MRM3: variants seen among roughly 807,000 people sequenced by gnomAD.
MRM3 encodes the protein mitochondrial rRNA methyltransferase 3, also known as rRNA methyltransferase 3, mitochondrial.
A neutral mutation model predicts 29.4 loss-of-function variants in MRM3; 26 were observed. That is an observed-to-expected ratio of 0.89 (90% CI 0.65 to 1.23). MRM3 has a LOEUF of 1.23. Ranked by LOEUF, MRM3 falls within the 50% of genes most tolerant of loss-of-function variation. The pLI is 0.00. For missense variants in MRM3, 578 were observed against 540.2 expected, an observed-to-expected ratio of 1.07 and a Z score of -0.69; for synonymous variants, 225 against 219.0, an observed-to-expected ratio of 1.03 and a Z score of -0.24.
intron 3 of MRM3, among the ~76,000 whole-genome samples, chr17:789,003 T>C (rs1910672861): frequency 6.6e-6 from 1 of 152,210 alleles, no homozygotes; most frequent in Middle Eastern, 3.4e-3. Flanking sequence ...AATTATGTTT[T>C]TTGTAGAGAC....
At position 783,063 on chromosome 17, in the gene MRM3, T is replaced by C. The variant is rs1159716443; in HGVS notation, c.315-20T>C. The stretch of plus-strand genomic sequence containing the variant: ...GGATGTTGATAGTTACCTGTTTTTT[T>C]TTTTTATTTCCATCTACAGCAGTGT... On this transcript the variant is annotated intron_variant, in intron 1 of 3. Coordinates refer to ENST00000304478, the MANE Select transcript of MRM3 (RefSeq NM_018146.4). 3 of 1,577,996 alleles carry C rather than the reference T, an allele frequency of 1.9e-6. No homozygotes were observed. The highest frequency in any genetic ancestry group is 2.6e-6 in the Non-Finnish European group (3 of 1,161,956).
chr17:784,692 T>C (rs1391883417), intron 2 of MRM3, among the ~76,000 whole-genome samples: 1 of 152,184 alleles, frequency 6.6e-6, no homozygotes, highest in Non-Finnish European at 1.5e-5. Flanking sequence ...GAGAAATGGA[T>C]AGGAACTGGC....
rs1193409014 is a variant in MRM3, at chr17:791,685, T to A, written c.879T>A (p.Tyr293Ter). ...ATGTGGCTGACAACTGTGGCCTTTA[T>A]GCCCAGGCTGAGATGTCTAATAAAG... is the stretch of plus-strand genomic sequence containing the variant. ...RVYVADNCGL[Y>*]AQAEMSNKAS... is the part of the protein sequence containing the mutation. The change falls in exon 4 of 4, where the codon TAT (tyrosine) becomes TAA (stop). Residue 293 changes from tyrosine (Y) to a stop codon, truncating the protein, a stop_gained. Coordinates refer to ENST00000304478, the MANE Select transcript of MRM3 (RefSeq NM_018146.4). LOFTEE classifies it high-confidence loss of function. 1.9e-6 allele frequency: 3 copies of A among 1,614,210 alleles called. No homozygotes were observed. In the Admixed American group the frequency reaches 5.0e-5, roughly 27 times the overall value.
intron 2 of MRM3, among the ~76,000 whole-genome samples, chr17:785,506 A>AG (rs1291381995): frequency 6.6e-6 from 1 of 152,194 alleles, no homozygotes; most frequent in Non-Finnish European, 1.5e-5. Context: ...TTTCCCAGAT[A>AG]GTCCCAGACC....
Position 783,124 on chromosome 17 carries a change from A to C in MRM3, c.356A>C (p.Lys119Thr), listed in dbSNP as rs1910269021. 1 of 1,614,092 alleles carries C rather than the reference A, an allele frequency of 6.2e-7. No individual in the cohort carries two copies. Among genetic ancestry groups the C allele is most frequent in the Non-Finnish European group, 8.5e-7 (1 of 1,179,982 alleles). Residue 119 changes from lysine to threonine, a missense_variant, in exon 2 of 4, where the codon AAA becomes ACA. By Grantham distance (78) the Lys-to-Thr change is moderately conservative (BLOSUM62 -1). Coordinates refer to ENST00000304478, the MANE Select transcript of MRM3 (RefSeq NM_018146.4). ...GTAAAGTCCAGGCCATTTCGGGAAA[A>C]ACAAGGGAAGATCCTGCTGGAAGGT... ...TIVKSRPFRE[K>T]QGKILLEGRR...
chr17:788,243 C>T (rs1354633605), intron 3 of MRM3, 111 bp downstream of exon 3: 3 of 1,004,038 alleles, frequency 3.0e-6, no homozygotes, highest in African/African-American at 1.6e-5. Context: ...TCCTGGGCAA[C>T]ATAGTGAGAC....
At position 788,129 on chromosome 17, in the gene MRM3, A is replaced by C. The variant is rs756518093; in HGVS notation, c.724A>C (p.Lys242Gln). The C allele has an allele frequency of 6.8e-6, 11 of 1,614,096 alleles. No homozygotes were observed. Among genetic ancestry groups the C allele is most frequent in the Non-Finnish European group, 9.3e-6 (11 of 1,180,004 alleles). ...GAGCSKVLLT[K>Q]GCVDAWEPKV... ...AGGCTGCAGCAAAGTGTTACTCACC[A>C]AAGGTAAGGACATCAAAGGCCAGGC... The change falls in exon 3 of 4, where the codon AAA becomes CAA. Residue 242 changes from lysine to glutamine, a missense_variant. Transcript: ENST00000304478.
At position 783,259 on chromosome 17, in the gene MRM3, G is replaced by A. The variant is rs778754308; in HGVS notation, c.491G>A (p.Ser164Asn). 4 of 1,613,822 alleles carry A rather than the reference G, an allele frequency of 2.5e-6. No individual in the cohort carries two copies. Among genetic ancestry groups the A allele is most frequent in the African/African-American group, 2.7e-5 (2 of 74,842 alleles). ...ELPVDKLKGV[S>N]LIKVKFEDIK... ...CCAGTCGATAAGCTGAAAGGTGTCA[G>A]CCTCATTAAGGTGAAATTTGAGGAT... Residue 164 changes from serine (S) to asparagine (N), a missense_variant, in exon 2 of 4, where the codon AGC becomes AAC. Transcript: ENST00000304478.
chr17:791,328 A>T (rs984767211), intron 3 of MRM3, among the ~76,000 whole-genome samples: 2 of 152,148 alleles, frequency 1.3e-5, no homozygotes, highest in African/African-American at 2.4e-5. Context: ...GAAGGGATGC[A>T]TAAAATATCT....
chr17:790,607 C>T, intron 3 of MRM3: 1 of 162,370 alleles, frequency 6.2e-6, no homozygotes, highest in East Asian at 2.1e-4. Context: ...TTGGCCGGCT[C>T]ACCCCCTGTG....
At position 792,059 on chromosome 17, in the gene MRM3, G is replaced by C; in HGVS notation, c.1253G>C (p.Ser418Thr). The C allele has an allele frequency of 6.3e-7, 1 of 1,598,794 alleles. No homozygotes were observed. The change falls in exon 4 of 4, where the codon AGT becomes ACT. Residue 418 changes from serine (S) to threonine (T), a missense_variant. By Grantham distance (58) the Ser-to-Thr change is moderately conservative. Coordinates refer to ENST00000304478, the MANE Select transcript of MRM3 (RefSeq NM_018146.4). ...GRAEDLSRDRSYH is the reference protein window; with the variant it reads ...GRAEDLSRDRTYH The stretch of plus-strand genomic sequence containing the variant: ...GCGGAGGACTTGAGCAGGGACAGGA[G>C]TTACCACTGAGGACGCAGAAGTGAC...
Position 791,753 on chromosome 17 carries a change from T to G in MRM3, c.947T>G (p.Phe316Cys), listed in dbSNP as rs1485748355. 6.2e-7 allele frequency: 1 copy of G among 1,614,146 alleles called. No homozygotes were observed. The highest frequency in any genetic ancestry group is 8.5e-7 in the Non-Finnish European group (1 of 1,180,044). Reference sequence around the variant, plus strand: ...GTGTGTGATCAACGAGTGATGAAGTTTCACAAGTATGAGGAAGAGGAAGAT... The same window carrying G: ...GTGTGTGATCAACGAGTGATGAAGTGTCACAAGTATGAGGAAGAGGAAGAT... ...GWVCDQRVMK[F>C]HKYEEEEDVE... The change falls in exon 4 of 4, where the codon TTT becomes TGT. Residue 316 changes from phenylalanine (F) to cysteine (C), a missense_variant. By Grantham distance (205) the Phe-to-Cys change is radical. Transcript: ENST00000304478.
In MRM3 at chr17:787,871, A is replaced by T. The variant is rs1910612316; in HGVS notation, c.560-94A>T. The T allele has an allele frequency of 7.8e-7, 1 of 1,281,772 alleles. No individual in the cohort carries two copies. The highest frequency in any genetic ancestry group is 1.1e-6 in the Non-Finnish European group (1 of 887,074). The allele number at this position is 1,281,772 out of a possible 1,614,324, so 79.4% of individuals were successfully genotyped here. On this transcript the variant is annotated intron_variant, in intron 2 of 3. Coordinates refer to ENST00000304478, the MANE Select transcript of MRM3 (RefSeq NM_018146.4). The surrounding 1 kb of genome is among the most constrained non-coding windows in gnomAD (Gnocchi z 4.1). ...GCCTGTATTCCTGTATTTTTATGTA[A>T]CTAAGACCATATCAAGATTGATAAG...
intron 2 of MRM3, among the ~76,000 whole-genome samples, chr17:786,557 G>A (rs1462930578): frequency 6.6e-6 from 1 of 152,130 alleles, no homozygotes; most frequent in African/African-American, 2.4e-5. Flanking sequence ...TTACAGGCAT[G>A]AGCTACCGTG....
At chr17:789,319 C>T (rs907815543) in intron 3 of MRM3, among the ~76,000 whole-genome samples, 3 of 152,176 alleles carry the variant, frequency 2.0e-5, no homozygotes, top group Non-Finnish European at 2.9e-5. Flanking sequence ...AAAGGAATGA[C>T]GTCAGCAGCT....
chr17:791,757 C>A lies in MRM3; in HGVS notation c.951C>A (p.His317Gln), dbSNP rs188469309. 294 of 1,614,154 alleles carry A rather than the reference C, an allele frequency of 1.8e-4. 1 individual carries two copies. The East Asian group carries it at 3.9e-3, about 21-fold the overall frequency. ...WVCDQRVMKF[H>Q]KYEEEEDVET... The stretch of plus-strand genomic sequence containing the variant: ...GTGATCAACGAGTGATGAAGTTTCA[C>A]AAGTATGAGGAAGAGGAAGATGTAG... The change falls in exon 4 of 4, where the codon CAC becomes CAA. Residue 317 changes from histidine to glutamine, a missense_variant. Coordinates refer to ENST00000304478, the MANE Select transcript of MRM3 (RefSeq NM_018146.4).
chr17:784,448 C>T (rs1259539487), intron 2 of MRM3, among the ~76,000 whole-genome samples: 2 of 151,960 alleles, frequency 1.3e-5, no homozygotes, highest in Non-Finnish European at 2.9e-5. Context: ...TTTTACCGTG[C>T]TTGTCACTTG....
intron 3 of MRM3, chr17:790,438 C>A: frequency 6.0e-6 from 1 of 168,022 alleles, no homozygotes; most frequent in South Asian, 1.0e-4. Flanking sequence ...AACTCCTCAG[C>A]TTCCCATAGG....
chr17:787,728 T>C lies in MRM3; in HGVS notation c.560-237T>C, dbSNP rs1910604273. Among the ~76,000 whole-genome samples the C allele has an allele frequency of 6.6e-6, 1 of 152,196 alleles. No homozygotes were observed. Among genetic ancestry groups the C allele is most frequent in the Admixed American group, 6.5e-5 (1 of 15,290 alleles). ...CACGCCTGGCTAATCTTTGTGTTTT[T>C]AGTAGAGACGAGGTTTTGCCACGTT... On this transcript the variant is annotated intron_variant, in intron 2 of 3. Transcript: ENST00000304478. The surrounding 1 kb of genome is among the most constrained non-coding windows in gnomAD (Gnocchi z 4.1).
Sources: gnomAD v4.1 joint callset for allele counts (sites outside exome capture counted in the v4.1 genomes callset) on GRCh38, gnomAD v4.1.1 for gene constraint, Gnocchi (gnomAD v3.1) non-coding constraint, MANE v1.5 for transcripts, NCBI Gene and HGNC (gene_info 2026-07-23, HGNC 2026-07-21) for gene names.